KRT4: variants seen among roughly 807,000 people sequenced by gnomAD.
KRT4 encodes the protein keratin 4.
KRT4 carries 47 observed loss-of-function variants against 50.6 expected under a neutral mutation model. The observed-to-expected ratio is 0.93, with a 90% CI of 0.73 to 1.18. The LOEUF (loss-of-function observed/expected upper bound fraction) is 1.18, where lower values mean the gene tolerates loss of function less well. KRT4 is among the 50% of genes most tolerant of loss of function. KRT4 has a pLI of 0.00. For synonymous variants in KRT4, 254 were observed against 251.2 expected (o/e 1.01, Z -0.10); for missense variants, 651 against 645.7 (o/e 1.01, Z -0.09).
chr12:52,812,795 T>C (rs1438164571), intron 1 of KRT4, among the ~76,000 whole-genome samples: 1 of 152,194 alleles, frequency 6.6e-6, no homozygotes, highest in Non-Finnish European at 1.5e-5. Flanking sequence ...GAAGAACAAA[T>C]ATGCACCTTA....
chr12:52,810,172 A>G (rs1939883514), intron 3 of KRT4, among the ~76,000 whole-genome samples: 1 of 152,246 alleles, frequency 6.6e-6, no homozygotes, highest in African/African-American at 2.4e-5. Flanking sequence ...TATCCCAGCA[A>G]TGGATACTCT....
chr12:52,813,836 C>G lies in KRT4; in HGVS notation c.223G>C (p.Gly75Arg). The change falls in exon 1 of 9, where the codon GGG becomes CGG. Residue 75 changes from glycine (G) to arginine (R), a missense_variant. Coordinates refer to ENST00000551956, the MANE Select transcript of KRT4 (RefSeq NM_002272.4). The part of the protein sequence containing the change: ...VAGSRQGACF[G>R]GAGGFGTGGF... ...CCAGTGCCAAAGCCTCCAGCACCCC[C>G]AAAGCAGGCACCTTGTCGTGACCCA... The G allele has an allele frequency of 1.9e-6, 3 of 1,613,354 alleles. No homozygotes were observed. Among genetic ancestry groups the G allele is most frequent in the Non-Finnish European group, 2.5e-6 (3 of 1,179,376 alleles).
chr12:52,813,113 T>C (rs575317503), intron 1 of KRT4, among the ~76,000 whole-genome samples: 18 of 152,304 alleles, frequency 1.2e-4, no homozygotes, highest in African/African-American at 4.1e-4. Flanking sequence ...GTCAAAGGAA[T>C]GAAAAAAGTA....
chr12:52,808,429 A>G lies in KRT4; in HGVS notation c.1000-10T>C, dbSNP rs1239173106. ...TCTGGAGCTGCTGGACCTAAGACTC[A>G]AGAAGACACAGAGAACCAGGTGTTA... On this transcript the variant is annotated splice_polypyrimidine_tract_variant and intron_variant, in intron 5 of 8. Coordinates refer to ENST00000551956, the MANE Select transcript of KRT4 (RefSeq NM_002272.4). The G allele has an allele frequency of 6.2e-7, 1 of 1,613,498 alleles. No individual in the cohort carries two copies. Among genetic ancestry groups the G allele is most frequent in the Non-Finnish European group, 8.5e-7 (1 of 1,180,016 alleles).
chr12:52,810,437 C>T (rs570953538), intron 3 of KRT4, among the ~76,000 whole-genome samples: 4 of 151,958 alleles, frequency 2.6e-5, no homozygotes, highest in Non-Finnish European at 1.5e-5. Context: ...ATCCCAGCTA[C>T]TCGGGAGGCT....
intron 5 of KRT4, 39 bp downstream of exon 5, chr12:52,808,647 A>T: frequency 6.2e-7 from 1 of 1,611,252 alleles, no homozygotes; most frequent in Non-Finnish European, 8.5e-7. Context: ...GCAGAGCCCC[A>T]GAGCCAGCCC....
Position 52,807,086 on chromosome 12 carries a change from G to C in KRT4, c.1546C>G (p.Leu516Val). ...CGTCTCCTCTATCGTCTCTTGTTCAGGGTGGTGGTAGAGATGATCTTGCTG... is the reference window on the plus strand; with the variant it reads ...CGTCTCCTCTATCGTCTCTTGTTCACGGTGGTGGTAGAGATGATCTTGCTG... ...SSSKIISTTTLNKRR is the reference protein window; with the variant it reads ...SSSKIISTTTVNKRR Residue 516 changes from leucine to valine, a missense_variant, in exon 9 of 9, where the codon CTG (leucine) becomes GTG (valine). Coordinates refer to ENST00000551956, the MANE Select transcript of KRT4 (RefSeq NM_002272.4). 1.1e-5 allele frequency: 17 copies of C among 1,614,142 alleles called. No homozygotes were observed. Among genetic ancestry groups the C allele is most frequent in the East Asian group, 2.2e-5 (1 of 44,876 alleles).
chr12:52,807,906 C>T (rs752062852), intron 6 of KRT4, 42 bp from the exon 7 acceptor site: 3 of 1,549,756 alleles, frequency 1.9e-6, no homozygotes, highest in Non-Finnish European at 2.7e-6. Context: ...CAGTGCCCTG[C>T]CTTCAAGGCC....
chr12:52,807,723 G>T lies in KRT4; in HGVS notation c.1267C>A (p.Gln423Lys). ...GCCAGCTTCACACTCATGAGCTCCT[G>T]GTACTCACGCAGCATTCGTGCCAGC... ...EELARMLREY[Q>K]ELMSVKLALD... Residue 423 changes from glutamine to lysine, a missense_variant, in exon 7 of 9, where the codon CAG (glutamine) becomes AAG (lysine). Transcript: ENST00000551956. 6.2e-7 allele frequency: 1 copy of T among 1,614,178 alleles called. No individual in the cohort carries two copies. The highest frequency in any genetic ancestry group is 8.5e-7 in the Non-Finnish European group (1 of 1,180,024).
chr12:52,809,051 A>G, intron 4 of KRT4: 1 of 679,066 alleles, frequency 1.5e-6, no homozygotes, highest in Non-Finnish European at 2.6e-6. Flanking sequence ...AGGAACCATA[A>G]GCCACTCTAA....
chr12:52,809,090 A>C, intron 4 of KRT4: 1 of 632,966 alleles, frequency 1.6e-6, no homozygotes, highest in East Asian at 2.8e-5. Context: ...GTTGGAATGG[A>C]AGGGAAGGGA....
intron 7 of KRT4, 34 bp downstream of exon 7, chr12:52,807,610 G>A: frequency 1.9e-6 from 3 of 1,604,886 alleles, no homozygotes; most frequent in Non-Finnish European, 2.6e-6. Context: ...GGACCTCTCT[G>A]GCCCTCATGT....
intron 6 of KRT4, 102 bp from the exon 7 acceptor site, chr12:52,807,966 A>G: frequency 9.3e-7 from 1 of 1,077,136 alleles, no homozygotes; most frequent in South Asian, 1.3e-5. Flanking sequence ...TTAGGATGTC[A>G]AGATTCTATC....
chr12:52,812,122 G>A (rs1010519833), intron 1 of KRT4, 145 bp from the exon 2 acceptor site: 2 of 704,038 alleles, frequency 2.8e-6, no homozygotes, highest in Admixed American at 2.0e-5. Context: ...CATCTCCAGG[G>A]CACCATTCAC....
chr12:52,808,651 C>T, intron 5 of KRT4, 35 bp downstream of exon 5: 2 of 1,611,872 alleles, frequency 1.2e-6, no homozygotes, highest in Non-Finnish European at 1.7e-6. Flanking sequence ...AGCCCCAGAG[C>T]CAGCCCCATC....
At position 52,807,642 on chromosome 12, in the gene KRT4, A is replaced by G. The variant is rs944841753; in HGVS notation, c.1346+2T>C. 6.2e-7 allele frequency: 1 copy of G among 1,613,384 alleles called. No individual in the cohort carries two copies. ...ATGTTCACACCCTGCCTAACCCCTCACCTGTACTCCTCGCCCTCCAGCAGT... is the reference window on the plus strand; with the variant it reads ...ATGTTCACACCCTGCCTAACCCCTCGCCTGTACTCCTCGCCCTCCAGCAGT... On this transcript the variant is annotated splice_donor_variant, in intron 7 of 8. Coordinates refer to ENST00000551956, the MANE Select transcript of KRT4 (RefSeq NM_002272.4). LOFTEE classifies it high-confidence loss of function.
At chr12:52,808,455 G>C in intron 5 of KRT4, 36 bp from the exon 6 acceptor site, 1 of 1,612,242 alleles carries the variant, frequency 6.2e-7, no homozygotes, top group Non-Finnish European at 8.5e-7. Flanking sequence ...CCAGGTGTTA[G>C]GGGCATTTGG....
chr12:52,807,927 T>A (rs562654425), intron 6 of KRT4, 63 bp from the exon 7 acceptor site: 205 of 1,405,458 alleles, frequency 1.5e-4, no homozygotes, highest in South Asian at 6.3e-4. Context: ...TCTACACCTG[T>A]CCCCTCCCCT....
rs866940463 is a variant in KRT4 at position 52,807,740 on chromosome 12, C to T, written c.1250G>A (p.Arg417Gln). Residue 417 changes from arginine (R) to glutamine (Q), a missense_variant, in exon 7 of 9, where the codon CGA (arginine) becomes CAA (glutamine). Transcript: ENST00000551956. The stretch of plus-strand genomic sequence containing the variant: ...GAGCTCCTGGTACTCACGCAGCATT[C>T]GTGCCAGCTCCTCCTTGGCCTGCTG... ...ALQQAKEELA[R>Q]MLREYQELMS... 7 of 1,614,208 alleles carry T rather than the reference C, an allele frequency of 4.3e-6. No homozygotes were observed. The highest frequency in any genetic ancestry group is 5.9e-6 in the Non-Finnish European group (7 of 1,180,046).
Sources: allele counts gnomAD v4.1 joint callset (sites outside exome capture counted in the v4.1 genomes callset), GRCh38; gene constraint gnomAD v4.1.1; transcripts MANE v1.5; gene names NCBI Gene and HGNC (gene_info 2026-07-23, HGNC 2026-07-21).